Variants in SMAP1 observed in about 807,000 individuals in gnomAD.
The protein encoded by SMAP1 is stromal membrane-associated protein 1.
SMAP1 carries 24 observed loss-of-function variants against 58.5 expected under a neutral mutation model. That is an observed-to-expected ratio of 0.41 (90% confidence interval 0.30 to 0.58). The LOEUF (loss-of-function observed/expected upper bound fraction) is 0.58, where lower values mean the gene tolerates loss of function less well. Among genes scored for constraint, SMAP1 ranks in the 20% least tolerant of loss-of-function variants. The pLI, the probability that SMAP1 is intolerant of heterozygous loss-of-function variation, is 0.29. For missense variants in SMAP1, 563 were observed against 566.3 expected, an observed-to-expected ratio of 0.99 and a Z score of 0.06; for synonymous variants, 216 against 196.6, an observed-to-expected ratio of 1.10 and a Z score of -0.82.
chr6:70,783,646 A>G (rs1386970407), intron 4 of SMAP1, among the ~76,000 whole-genome samples: 2 of 152,238 alleles, frequency 1.3e-5, no homozygotes, highest in African/African-American at 4.8e-5. Context: ...CAAGAACTAC[A>G]TGAAGAATGC....
At chr6:70,706,581 T>G (rs1166675495) in intron 1 of SMAP1, among the ~76,000 whole-genome samples, 7 of 152,150 alleles carry the variant, frequency 4.6e-5, no homozygotes, top group Non-Finnish European at 7.4e-5. Flanking sequence ...ATTGGCAGAT[T>G]TTCTCTCTGC....
At chr6:70,726,147 G>A (rs890894075) in intron 1 of SMAP1, among the ~76,000 whole-genome samples, 1 of 152,020 alleles carries the variant, frequency 6.6e-6, no homozygotes, top group African/African-American at 2.4e-5. Context: ...TACCTACTTT[G>A]CATATTTGTT....
chr6:70,860,145 C>G (rs1459116863), intron 10 of SMAP1, 55 bp from the exon 11 acceptor site: 39 of 1,508,710 alleles, frequency 2.6e-5, no homozygotes, highest in Non-Finnish European at 3.5e-5. Context: ...GCTAAAGAAA[C>G]AAGAATTAAA....
At chr6:70,838,202 C>G (rs1199137407) in intron 7 of SMAP1, among the ~76,000 whole-genome samples, 1 of 152,098 alleles carries the variant, frequency 6.6e-6, no homozygotes, top group Non-Finnish European at 1.5e-5. Flanking sequence ...ATTATCTTCA[C>G]TGCAGCATTT....
intron 1 of SMAP1, among the ~76,000 whole-genome samples, chr6:70,682,596 A>G (rs1016310364): frequency 4.6e-5 from 7 of 152,228 alleles, no homozygotes; most frequent in African/African-American, 1.2e-4. Context: ...TTGTGGTTAC[A>G]TATACTGCTG....
chr6:70,729,151 G>C (rs1383062866), intron 1 of SMAP1, among the ~76,000 whole-genome samples: 1 of 152,008 alleles, frequency 6.6e-6, no homozygotes, highest in Non-Finnish European at 1.5e-5. Flanking sequence ...CTTAAAAGAA[G>C]GTGTGAGGCT....
chr6:70,673,971 C>T (rs1043970402), intron 1 of SMAP1, among the ~76,000 whole-genome samples: 1 of 152,032 alleles, frequency 6.6e-6, no homozygotes, highest in Non-Finnish European at 1.5e-5. Context: ...CTTACATCTC[C>T]TAAATTGTTG....
intron 1 of SMAP1, chr6:70,668,486 G>C: frequency 6.9e-7 from 1 of 1,455,602 alleles, no homozygotes; most frequent in East Asian, 2.5e-5. Flanking sequence ...GGTCTGGGCA[G>C]AGCTTAGGGT....
At chr6:70,748,942 T>C (rs1411317688) in intron 2 of SMAP1, among the ~76,000 whole-genome samples, 6 of 152,146 alleles carry the variant, frequency 3.9e-5, no homozygotes, top group Non-Finnish European at 8.8e-5. Flanking sequence ...CAAAAATCTT[T>C]TGACCCATAG....
chr6:70,681,542 T>C (rs1342833772), intron 1 of SMAP1, among the ~76,000 whole-genome samples: 2 of 152,240 alleles, frequency 1.3e-5, no homozygotes, highest in South Asian at 2.1e-4. Flanking sequence ...TTGTAACATA[T>C]ACACTCCTAA....
intron 2 of SMAP1, among the ~76,000 whole-genome samples, chr6:70,753,312 A>G (rs1355328417): frequency 1.3e-5 from 2 of 152,178 alleles, no homozygotes; most frequent in East Asian, 3.9e-4. Context: ...AAATTTCTAT[A>G]TATTCTTGCT....
At chr6:70,851,957 G>A (rs371002091) in intron 7 of SMAP1, among the ~76,000 whole-genome samples, 1 of 151,906 alleles carries the variant, frequency 6.6e-6, no homozygotes, top group South Asian at 2.1e-4. Flanking sequence ...TTTCTATCTA[G>A]TTTTCTTCCA....
chr6:70,770,511 A>C (rs181936731), intron 3 of SMAP1, among the ~76,000 whole-genome samples: 54 of 152,126 alleles, frequency 3.5e-4, no homozygotes, highest in African/African-American at 1.1e-3. Context: ...GTCTTCCATC[A>C]CTGACACCCT....
chr6:70,670,628 GTGTA>G (rs2128546717), intron 1 of SMAP1, among the ~76,000 whole-genome samples: 1 of 152,282 alleles, frequency 6.6e-6, no homozygotes, highest in African/African-American at 2.4e-5. Context: ...GTTTCATTCT[GTGTA>G]TGTATTGATG....
At chr6:70,755,128 T>C in intron 3 of SMAP1, 63 bp downstream of exon 3, 1 of 1,262,194 alleles carries the variant, frequency 7.9e-7, no homozygotes, top group Non-Finnish European at 1.1e-6. Flanking sequence ...ACAGTTCATA[T>C]TTTATCTGTT....
chr6:70,706,479 CT>C (rs1381683516), intron 1 of SMAP1, among the ~76,000 whole-genome samples: 5 of 152,104 alleles, frequency 3.3e-5, no homozygotes, highest in Non-Finnish European at 7.4e-5. Context: ...GCATATTATA[CT>C]TTTATCTGGC....
In SMAP1 at chr6:70,848,667, A is replaced by G. The variant is rs1771077214; in HGVS notation, c.665-3873A>G. On this transcript the variant is annotated intron_variant, in intron 7 of 10. Transcript: ENST00000370455. ...CTCATCTTGCATCGGGACAAAAATG[A>G]TAACATGTAAACATTCTTTAAAAAC... Among the ~76,000 whole-genome samples the G allele has an allele frequency of 6.6e-5, 10 of 152,352 alleles. No homozygotes were observed. The South Asian group carries it at 1.9e-3, about 28-fold the overall frequency.
intron 2 of SMAP1, among the ~76,000 whole-genome samples, chr6:70,749,598 T>A (rs573081998): frequency 0.024 from 3,654 of 150,252 alleles, 53 homozygotes; most frequent in Non-Finnish European, 0.037. Context: ...TTACCTCATT[T>A]AAAAAAAAAA....
chr6:70,671,091 G>A (rs1766244091), intron 1 of SMAP1, among the ~76,000 whole-genome samples: 1 of 152,186 alleles, frequency 6.6e-6, no homozygotes, highest in South Asian at 2.1e-4. Flanking sequence ...TGGCACTTTA[G>A]GGAGCAGTGA....
Sources: allele counts gnomAD v4.1 joint callset (sites outside exome capture counted in the v4.1 genomes callset), GRCh38; gene constraint gnomAD v4.1.1; transcripts MANE v1.5; gene names NCBI Gene and HGNC (gene_info 2026-07-23, HGNC 2026-07-21).